Variants in ALK observed in about 807,000 individuals in gnomAD.
ALK encodes ALK tyrosine kinase receptor.
A neutral mutation model predicts 163.1 loss-of-function variants in ALK; 74 were observed. The ratio of observed to expected loss-of-function variants is 0.45; its 90% confidence interval spans 0.38 to 0.55. ALK has a LOEUF of 0.55. Among genes scored for constraint, ALK ranks in the 20% least tolerant of loss-of-function variants. The pLI, the probability that ALK is intolerant of heterozygous loss-of-function variation, is 0.00. For synonymous variants in ALK, 960 were observed against 843.2 expected (o/e 1.14, Z -2.40); for missense variants, 2,063 against 2,105.3 (o/e 0.98, Z 0.39).
At chr2:29,848,809 G>C (rs1253154442) in intron 1 of ALK, among the ~76,000 whole-genome samples, 2 of 152,306 alleles carry the variant, frequency 1.3e-5, no homozygotes, top group East Asian at 3.9e-4. Flanking sequence ...GGCTGGGGAG[G>C]AAAGTTGAGC....
chr2:29,303,677 A>G (rs565745218), intron 8 of ALK, among the ~76,000 whole-genome samples: 7 of 152,332 alleles, frequency 4.6e-5, no homozygotes, highest in African/African-American at 1.7e-4. Context: ...TGTGGTACAT[A>G]TATACCATGG....
chr2:29,327,240 G>A (rs1667292435), intron 6 of ALK, among the ~76,000 whole-genome samples: 1 of 152,176 alleles, frequency 6.6e-6, no homozygotes, highest in South Asian at 2.1e-4. Context: ...CCCCTATGGA[G>A]TCCAAGTTTC....
intron 5 of ALK, among the ~76,000 whole-genome samples, chr2:29,383,476 C>A (rs1668954821): frequency 1.3e-5 from 2 of 152,286 alleles, no homozygotes; most frequent in South Asian, 4.1e-4. Context: ...ATCACCACAC[C>A]AGGCTAATTT....
intron 4 of ALK, among the ~76,000 whole-genome samples, chr2:29,428,228 T>A (rs865890665): frequency 6.6e-6 from 1 of 151,312 alleles, no homozygotes; most frequent in Non-Finnish European, 1.5e-5. Flanking sequence ...ACCAGAAAAA[T>A]AAGAGCAAAC....
intron 1 of ALK, among the ~76,000 whole-genome samples, chr2:29,852,061 G>A (rs767288451): frequency 1.2e-4 from 19 of 152,148 alleles, no homozygotes; most frequent in South Asian, 2.1e-4. Flanking sequence ...GATAGAGAAC[G>A]GAACAAAAAC....
chr2:29,763,206 T>C lies in ALK; in HGVS notation c.668-45509A>G, dbSNP rs921841369. 2.6e-5 allele frequency among the ~76,000 whole-genome samples: 4 copies of C among 152,168 alleles called. No homozygotes were observed. The East Asian group carries it at 5.8e-4, about 22-fold the overall frequency. On this transcript the variant is annotated intron_variant, in intron 1 of 28. Transcript: ENST00000389048. ...GTTGTAAACCTTTGCCAGACCTCAA[T>C]TTCTTCATCTGTACAATGAGAATAA...
At chr2:29,863,529 A>G (rs1223962333) in intron 1 of ALK, among the ~76,000 whole-genome samples, 3 of 152,200 alleles carry the variant, frequency 2.0e-5, no homozygotes, top group East Asian at 1.9e-4. Flanking sequence ...AAATGCTCAC[A>G]TCCACTAACC....
At chr2:29,503,909 T>C (rs1672249876) in intron 4 of ALK, among the ~76,000 whole-genome samples, 1 of 151,992 alleles carries the variant, frequency 6.6e-6, no homozygotes, top group Non-Finnish European at 1.5e-5. Flanking sequence ...GCTTTCTTTC[T>C]ATAGGTTGGT....
At chr2:29,657,448 A>G (rs1205614537) in intron 3 of ALK, among the ~76,000 whole-genome samples, 3 of 152,170 alleles carry the variant, frequency 2.0e-5, no homozygotes, top group Non-Finnish European at 4.4e-5. Context: ...TGAGGTACAC[A>G]TTGTAAAGCA....
intron 1 of ALK, among the ~76,000 whole-genome samples, chr2:29,858,270 C>A (rs1301614471): frequency 1.3e-5 from 2 of 152,116 alleles, no homozygotes; most frequent in Non-Finnish European, 2.9e-5. Context: ...ATAATCTTGT[C>A]ATTTTAATAA....
intron 23 of ALK, among the ~76,000 whole-genome samples, chr2:29,216,122 G>A (rs1466055411): frequency 2.0e-5 from 3 of 152,170 alleles, no homozygotes; most frequent in Non-Finnish European, 4.4e-5. Context: ...ACTCATGCCT[G>A]CATCATCCCT....
intron 1 of ALK, among the ~76,000 whole-genome samples, chr2:29,736,280 G>T (rs1679889929): frequency 6.6e-6 from 1 of 151,974 alleles, no homozygotes. Flanking sequence ...GGAAGGAAAT[G>T]CACCAATTAA....
chr2:29,489,527 T>C lies in ALK; in HGVS notation c.1154+42388A>G, dbSNP rs530581481. Among the ~76,000 whole-genome samples, 4 of 152,322 alleles carry C rather than the reference T, an allele frequency of 2.6e-5. No homozygotes were observed. In the East Asian group the frequency reaches 7.7e-4, roughly 29 times the overall value. Reference sequence around the variant, plus strand: ...GTTGCCCAGGCTGGTCTCAAACTCCTGGGCTCAAGTGATTCTCCCACATTG... The same window carrying C: ...GTTGCCCAGGCTGGTCTCAAACTCCCGGGCTCAAGTGATTCTCCCACATTG... On this transcript the variant is annotated intron_variant, in intron 4 of 28. Coordinates refer to ENST00000389048, the MANE Select transcript of ALK (RefSeq NM_004304.5).
intron 3 of ALK, among the ~76,000 whole-genome samples, chr2:29,632,512 C>T (rs1350473944): frequency 3.9e-5 from 6 of 151,916 alleles, no homozygotes; most frequent in Admixed American, 3.9e-4. Flanking sequence ...ATGGCTGAAG[C>T]CCTAATCTGA....
intron 4 of ALK, among the ~76,000 whole-genome samples, chr2:29,424,419 A>G (rs1268309119): frequency 2.0e-5 from 3 of 152,246 alleles, no homozygotes. Context: ...CCTTAGCACT[A>G]CATTTTCTGA....
intron 3 of ALK, among the ~76,000 whole-genome samples, chr2:29,670,966 G>A (rs1162759576): frequency 6.6e-6 from 1 of 151,998 alleles, no homozygotes; most frequent in Admixed American, 6.6e-5. Context: ...TTATTGGTCA[G>A]GGAGCTCACA....
intron 3 of ALK, among the ~76,000 whole-genome samples, chr2:29,656,878 GA>G (rs200800641): frequency 6.6e-6 from 1 of 151,498 alleles, no homozygotes; most frequent in Non-Finnish European, 1.5e-5. Flanking sequence ...TTTTTGCAGG[GA>G]AAAAAAACTG....
chr2:29,333,693 C>T (rs1667522922), intron 5 of ALK, among the ~76,000 whole-genome samples: 1 of 152,176 alleles, frequency 6.6e-6, no homozygotes, highest in African/African-American at 2.4e-5. Flanking sequence ...TTGGCTCGTC[C>T]TAGCCTTGAC....
At chr2:29,531,879 G>A (rs747486483) in intron 4 of ALK, 36 bp downstream of exon 4, 6 of 1,608,250 alleles carry the variant, frequency 3.7e-6, no homozygotes, top group Non-Finnish European at 5.1e-6. Context: ...AAATCACCTG[G>A]TATAAAATCA....
Sources: gnomAD v4.1 joint callset for allele counts (sites outside exome capture counted in the v4.1 genomes callset) on GRCh38, gnomAD v4.1.1 for gene constraint, MANE v1.5 for transcripts, NCBI Gene and HGNC (gene_info 2026-07-23, HGNC 2026-07-21) for gene names.